PLA2G4F: variants seen among roughly 807,000 people sequenced by gnomAD.
PLA2G4F encodes phospholipase A2 group IVF.
Under a neutral mutation model 103.1 loss-of-function variants are expected in PLA2G4F, and 105 were observed. The ratio of observed to expected loss-of-function variants is 1.02; its 90% confidence interval spans 0.87 to 1.20. The LOEUF is 1.20. Among genes scored for constraint, PLA2G4F ranks in the 50% most tolerant of loss-of-function variants. PLA2G4F has a pLI of 0.00. For synonymous variants in PLA2G4F, 468 were observed against 441.1 expected (o/e 1.06, Z -0.76); for missense variants, 1,155 against 1,075.9 (o/e 1.07, Z -1.03).
At position 42,155,715 on chromosome 15, in the gene PLA2G4F, A is replaced by G. The variant is rs934792724; in HGVS notation, c.112-126T>C. The G allele has an allele frequency of 1.9e-5, 17 of 918,630 alleles. No individual in the cohort carries two copies. In the Admixed American group the frequency reaches 2.7e-4, roughly 15 times the overall value. The allele number at this position is 918,630 out of a possible 1,614,324, so 56.9% of individuals were successfully genotyped here. On this transcript the variant is annotated intron_variant, in intron 1 of 19. Transcript: ENST00000397272. ...GGTCACTGACGTCTCTGTGCCGGGG[A>G]GCAGGGAGACCTTGGCGGGTCCCAG...
rs1350658849 is a variant in PLA2G4F, at chr15:42,141,625, G to A, written c.*359C>T. On this transcript the variant is annotated 3_prime_UTR_variant, in exon 20 of 20. Transcript: ENST00000397272. Reference sequence around the variant, plus strand: ...TCTCAGTGCCCTCAGCCCCTGTTCTGTGTGGGTCTGAGGACTTGGGCCCTC... The same window carrying A: ...TCTCAGTGCCCTCAGCCCCTGTTCTATGTGGGTCTGAGGACTTGGGCCCTC... 4.2e-6 allele frequency: 2 copies of A among 480,588 alleles called. No individual in the cohort carries two copies. Among genetic ancestry groups the A allele is most frequent in the Non-Finnish European group, 8.2e-6 (2 of 243,662 alleles). The allele number at this position is 480,588 out of a possible 1,614,324, so 29.8% of individuals were successfully genotyped here.
At chr15:42,147,432 C>A in intron 12 of PLA2G4F, 86 bp from the exon 13 acceptor site, 1 of 1,426,426 alleles carries the variant, frequency 7.0e-7, no homozygotes, top group Admixed American at 1.8e-5. Context: ...TGGCCCTCCA[C>A]CCCCACCACT....
chr15:42,151,046 G>A (rs1410789890), intron 7 of PLA2G4F: 6 of 985,320 alleles, frequency 6.1e-6, no homozygotes, highest in East Asian at 1.1e-4. Context: ...AGCGGGGAGG[G>A]AGAGGGGCCC....
chr15:42,154,316 C>T lies in PLA2G4F; in HGVS notation c.321+6G>A, dbSNP rs749894436. 1.2e-6 allele frequency: 2 copies of T among 1,608,676 alleles called. No homozygotes were observed. The highest frequency in any genetic ancestry group is 4.5e-5 in the East Asian group (2 of 44,762). ...TCCCGCAGCCTGGCCCCTGGCTGGC[C>T]CTCACCTTCACAGCACCATGGATCT... On this transcript the variant is annotated splice_donor_region_variant and intron_variant, in intron 3 of 19. Coordinates refer to ENST00000397272, the MANE Select transcript of PLA2G4F (RefSeq NM_213600.4).
At chr15:42,155,018 A>G (rs534603511) in intron 2 of PLA2G4F, among the ~76,000 whole-genome samples, 2 of 152,072 alleles carry the variant, frequency 1.3e-5, no homozygotes, top group East Asian at 3.9e-4. Context: ...GTATATACAC[A>G]CACTCGTACT....
chr15:42,148,950 C>T (rs767664254), intron 11 of PLA2G4F: 1 of 985,272 alleles, frequency 1.0e-6, no homozygotes, highest in African/African-American at 1.7e-5. Context: ...AACGATCTAG[C>T]CTTGTCAGCG....
Position 42,141,154 on chromosome 15 carries a change from A to G in PLA2G4F, c.*830T>C. 2 of 442,734 alleles carry G rather than the reference A, an allele frequency of 4.5e-6. No homozygotes were observed. The highest frequency in any genetic ancestry group is 3.2e-5 in the South Asian group (2 of 62,378). The allele number at this position is 442,734 out of a possible 1,614,324, so 27.4% of individuals were successfully genotyped here. On this transcript the variant is annotated 3_prime_UTR_variant, in exon 20 of 20. Coordinates refer to ENST00000397272, the MANE Select transcript of PLA2G4F (RefSeq NM_213600.4). ...ACCCTCCTGCCCCACATACAGGTGC[A>G]CACCTCTCCCCCGATGAACTGATGC...
At chr15:42,148,665 C>A (rs771675955) in intron 11 of PLA2G4F, 47 of 985,296 alleles carry the variant, frequency 4.8e-5, no homozygotes, top group Non-Finnish European at 5.2e-5. Context: ...GCAGCCTAGA[C>A]CTGCCCCCAG....
In PLA2G4F at chr15:42,142,618, A is replaced by G. The variant is rs1368761064; in HGVS notation, c.2239T>C (p.Tyr747His). 1.9e-6 allele frequency: 3 copies of G among 1,614,048 alleles called. No homozygotes were observed. The highest frequency in any genetic ancestry group is 2.2e-5 in the East Asian group (1 of 44,864). Residue 747 changes from tyrosine (Y) to histidine (H), a missense_variant, in exon 19 of 20, where the codon TAT becomes CAT. Coordinates refer to ENST00000397272, the MANE Select transcript of PLA2G4F (RefSeq NM_213600.4). Reference sequence around the variant, plus strand: ...GGGTCCTCAGCCTTGGCAAACAGATAGCACTCACGGGCCTCCTCCATGTCC... The same window carrying G: ...GGGTCCTCAGCCTTGGCAAACAGATGGCACTCACGGGCCTCCTCCATGTCC... ...PEDMEEAREC[Y>H]LFAKAEDPRS...
Position 42,142,196 on chromosome 15 carries a change from G to C in PLA2G4F, c.2338C>G (p.Arg780Gly). 6.2e-7 allele frequency: 1 copy of C among 1,610,958 alleles called. No homozygotes were observed. Among genetic ancestry groups the C allele is most frequent in the Non-Finnish European group, 8.5e-7 (1 of 1,178,244 alleles). ...FRTHLAPGVERQTAEEKAFGD... is the reference protein window; with the variant it reads ...FRTHLAPGVEGQTAEEKAFGD... ...AAGGCCTTCTCCTCAGCTGTTTGTC[G>C]CTCCACACCTGTGGGTGGGGGAAGC... Residue 780 changes from arginine to glycine, a missense_variant, in exon 20 of 20, where the codon CGA (arginine) becomes GGA (glycine). Around this residue, in one of 3 missense-constraint regions of PLA2G4F, gnomAD observed 782 missense variants for 692.9 expected, o/e 1.13. Coordinates refer to ENST00000397272, the MANE Select transcript of PLA2G4F (RefSeq NM_213600.4).
chr15:42,144,263 G>A (rs945340683), intron 17 of PLA2G4F, 119 bp from the exon 18 acceptor site: 140 of 1,409,934 alleles, frequency 9.9e-5, no homozygotes, highest in Non-Finnish European at 1.3e-4. Flanking sequence ...CAGCCATGGA[G>A]ACTCCTGCCC....
At position 42,156,443 on chromosome 15, in the gene PLA2G4F, C is replaced by T; in HGVS notation, c.107G>A (p.Trp36Ter). 6.4e-7 allele frequency: 1 copy of T among 1,559,802 alleles called. No homozygotes were observed. Among genetic ancestry groups the T allele is most frequent in the Non-Finnish European group, 8.7e-7 (1 of 1,150,880 alleles). Reference sequence around the variant, plus strand: ...AGGTAATCTCAGGTACGTTACCCGCCAGTGCCTCCACAGAGGGCCCCTCTT... The same window carrying T: ...AGGTAATCTCAGGTACGTTACCCGCTAGTGCCTCCACAGAGGGCCCCTCTT... ...REKRGPLWRH[W>*]RRETYPYYDL... Residue 36 changes from tryptophan to a stop codon, truncating the protein, a stop_gained, in exon 1 of 20, where the codon TGG (tryptophan) becomes TAG (stop). Coordinates refer to ENST00000397272, the MANE Select transcript of PLA2G4F (RefSeq NM_213600.4). LOFTEE classifies it high-confidence loss of function.
rs187520868 is a variant in PLA2G4F, at chr15:42,147,760, C to T, written c.1062G>A (p.Val354=). 6.2e-6 allele frequency: 10 copies of T among 1,613,810 alleles called. No individual in the cohort carries two copies. Among genetic ancestry groups the T allele is most frequent in the South Asian group, 1.1e-5 (1 of 91,082 alleles). The part of the protein sequence containing the change: ...GLSEALDSGQ[V]PVVAVLGSGG... ...CGGAACCCAACACAGCCACTACAGG[C>T]ACCTGGGTACAATAATAACAAGGAT... Residue 354 remains valine, a splice_region_variant and synonymous_variant, in exon 12 of 20, where the codon GTG becomes GTA. Coordinates refer to ENST00000397272, the MANE Select transcript of PLA2G4F (RefSeq NM_213600.4).
intron 7 of PLA2G4F, chr15:42,151,065 G>A (rs2048956614): frequency 4.1e-6 from 4 of 985,312 alleles, no homozygotes; most frequent in African/African-American, 1.7e-5. Flanking sequence ...CCTGCCCAGA[G>A]CCTGTGGGGC....
In PLA2G4F at chr15:42,145,688, G is replaced by A; in HGVS notation, c.1673-6C>T. ...AAAGGCGCTGCCCCACATACCTAAG[G>A]AGACAGGCAGGCCCCCACCCCACGT... On this transcript the variant is annotated splice_region_variant and splice_polypyrimidine_tract_variant and intron_variant, in intron 15 of 19. Transcript: ENST00000397272. 6.2e-7 allele frequency: 1 copy of A among 1,613,918 alleles called. No individual in the cohort carries two copies. Among genetic ancestry groups the A allele is most frequent in the Non-Finnish European group, 8.5e-7 (1 of 1,179,964 alleles).
chr15:42,154,600 G>GGAGAGC, intron 2 of PLA2G4F, 142 bp from the exon 3 acceptor site: 1 of 925,498 alleles, frequency 1.1e-6, no homozygotes, highest in Non-Finnish European at 1.5e-6. Flanking sequence ...GGAGGTGGAG[G>GGAGAGC]GAGAGCCTTG....
chr15:42,147,806 T>C (rs1274941716), intron 11 of PLA2G4F, 44 bp from the exon 12 acceptor site: 5 of 1,608,408 alleles, frequency 3.1e-6, no homozygotes, highest in Non-Finnish European at 4.2e-6. Context: ...ACTACCACCG[T>C]CATTGACGTA....
rs763591527 is a variant in PLA2G4F, at chr15:42,145,693, A to G, written c.1673-11T>C. On this transcript the variant is annotated splice_polypyrimidine_tract_variant and intron_variant, in intron 15 of 19. Coordinates refer to ENST00000397272, the MANE Select transcript of PLA2G4F (RefSeq NM_213600.4). ...CGCTGCCCCACATACCTAAGGAGACAGGCAGGCCCCCACCCCACGTCAGGG... is the reference window on the plus strand; with the variant it reads ...CGCTGCCCCACATACCTAAGGAGACGGGCAGGCCCCCACCCCACGTCAGGG... 3 of 1,613,936 alleles carry G rather than the reference A, an allele frequency of 1.9e-6. No individual in the cohort carries two copies. The highest frequency in any genetic ancestry group is 1.1e-5 in the South Asian group (1 of 91,078).
intron 10 of PLA2G4F, 43 bp downstream of exon 10, chr15:42,150,061 C>A (rs768004780): frequency 2.5e-6 from 4 of 1,613,618 alleles, no homozygotes; most frequent in Non-Finnish European, 3.4e-6. Flanking sequence ...CCCCGCACTT[C>A]TAGCCCAGCC....
Sources: allele counts gnomAD v4.1 joint callset (sites outside exome capture counted in the v4.1 genomes callset), GRCh38; gene constraint gnomAD v4.1.1; regional missense constraint gnomAD v4.1.1; transcripts MANE v1.5; gene names NCBI Gene and HGNC (gene_info 2026-07-23, HGNC 2026-07-21).